TENM4: variants seen among roughly 807,000 people sequenced by gnomAD.
TENM4 encodes teneurin-4.
A neutral mutation model predicts 243.3 loss-of-function variants in TENM4; 82 were observed. That is an observed-to-expected ratio of 0.34 (90% CI 0.28 to 0.40). TENM4 has a LOEUF of 0.40. Among genes scored for constraint, TENM4 ranks in the 10% least tolerant of loss-of-function variants. The probability of loss-of-function intolerance (pLI) is 1.00; values close to 1 mark genes in which losing one functional copy is unlikely to be tolerated. For missense variants in TENM4, 3,138 were observed against 3,673.3 expected (o/e 0.85, Z 3.77); for synonymous variants, 1,412 against 1,456.3 (o/e 0.97, Z 0.69).
At chr11:79,085,342 A>T (rs1232180113) in intron 4 of TENM4, among the ~76,000 whole-genome samples, 3 of 147,784 alleles carry the variant, frequency 2.0e-5, no homozygotes, top group Admixed American at 6.8e-5. Flanking sequence ...GCGCCACTGC[A>T]CTCCAGCCTG....
intron 1 of TENM4, among the ~76,000 whole-genome samples, chr11:79,410,730 A>T (rs947852643): frequency 6.6e-6 from 1 of 152,164 alleles, no homozygotes; most frequent in Non-Finnish European, 1.5e-5. Flanking sequence ...TGCCTGCCTG[A>T]TGGGTTTACA....
At position 78,848,765 on chromosome 11, in the gene TENM4, T is replaced by A. The variant is rs190545673; in HGVS notation, c.1681+5339A>T. 9.9e-4 allele frequency among the ~76,000 whole-genome samples: 151 copies of A among 152,266 alleles called. 1 individual carries two copies. The highest frequency in any genetic ancestry group is 3.4e-3 in the Middle Eastern group (1 of 294). ...CTTTTGCCAGAAACCATGTCATACC[T>A]TCCCTGTATCCTCAGCTTGGGAAAG... is the stretch of plus-strand genomic sequence containing the variant. On this transcript the variant is annotated intron_variant, in intron 12 of 33. Transcript: ENST00000278550.
rs193249519 is a variant in TENM4, at chr11:79,381,552, C to A, written c.-321+58957G>T. Among the ~76,000 whole-genome samples the A allele has an allele frequency of 3.0e-3, 444 of 150,254 alleles. 3 individuals carry two copies. The highest frequency in any genetic ancestry group is 5.7e-3 in the Admixed American group (85 of 14,982). On this transcript the variant is annotated intron_variant, in intron 1 of 33. Transcript: ENST00000278550. ...CGAATTGAGTTCATTAAACTCTGGA[C>A]CGAATTTGGGGCCAGGTATTAGGGT...
intron 6 of TENM4, among the ~76,000 whole-genome samples, chr11:79,031,457 C>T (rs1272499100): frequency 6.6e-6 from 1 of 152,046 alleles, no homozygotes; most frequent in Non-Finnish European, 1.5e-5. Context: ...CTCATAGGCA[C>T]CAGGAAGCCA....
At chr11:79,070,584 A>G (rs1200613332) in intron 4 of TENM4, among the ~76,000 whole-genome samples, 2 of 152,184 alleles carry the variant, frequency 1.3e-5, no homozygotes, top group Admixed American at 1.3e-4. Flanking sequence ...CTTTTTGCCC[A>G]TCTCCTTCTG....
chr11:79,273,220 T>G (rs768846737), intron 2 of TENM4, among the ~76,000 whole-genome samples: 7 of 152,170 alleles, frequency 4.6e-5, no homozygotes, highest in Non-Finnish European at 7.3e-5. Context: ...AACAATAACC[T>G]CCAATGACAA....
At chr11:79,155,610 T>TTCCC (rs373224176) in intron 3 of TENM4, among the ~76,000 whole-genome samples, 3 of 147,852 alleles carry the variant, frequency 2.0e-5, no homozygotes, top group Non-Finnish European at 3.0e-5. Flanking sequence ...TGGTCCGCCT[T>TTCCC]TCCCTCCCTC....
At chr11:79,004,647 T>A (rs1006737486) in intron 6 of TENM4, among the ~76,000 whole-genome samples, 1 of 152,078 alleles carries the variant, frequency 6.6e-6, no homozygotes, top group African/African-American at 2.4e-5. Flanking sequence ...ATCAAAAAGT[T>A]AGAAAGATCT....
chr11:78,775,726 G>A (rs1000541976), intron 17 of TENM4, among the ~76,000 whole-genome samples: 4 of 152,170 alleles, frequency 2.6e-5, no homozygotes, highest in Non-Finnish European at 4.4e-5. Context: ...GACAGCCCAC[G>A]TGACATTAAT....
At chr11:79,153,662 G>A (rs921415771) in intron 3 of TENM4, among the ~76,000 whole-genome samples, 9 of 152,194 alleles carry the variant, frequency 5.9e-5, no homozygotes, top group Non-Finnish European at 8.8e-5. Flanking sequence ...AGAAGGGGAA[G>A]GGTAGTTTTC....
chr11:78,897,310 G>A (rs533222747), intron 7 of TENM4, among the ~76,000 whole-genome samples: 1 of 152,120 alleles, frequency 6.6e-6, no homozygotes, highest in South Asian at 2.1e-4. Flanking sequence ...TTTTCCCTTT[G>A]CTGATTCTGC....
At chr11:79,401,257 A>C (rs1314897545) in intron 1 of TENM4, among the ~76,000 whole-genome samples, 2 of 152,112 alleles carry the variant, frequency 1.3e-5, no homozygotes, top group Non-Finnish European at 2.9e-5. Context: ...TGTGCTAGGC[A>C]CTGGAAATGA....
intron 3 of TENM4, among the ~76,000 whole-genome samples, chr11:79,149,108 G>A (rs1368284458): frequency 1.3e-5 from 2 of 152,130 alleles, no homozygotes; most frequent in East Asian, 3.9e-4. Context: ...CTTTCATGCA[G>A]GGAGTTACTT....
chr11:79,315,060 C>G (rs1230854147), intron 1 of TENM4, among the ~76,000 whole-genome samples: 1 of 152,188 alleles, frequency 6.6e-6, no homozygotes, highest in Non-Finnish European at 1.5e-5. Flanking sequence ...GATGAAGGCA[C>G]AGATAACGCC....
chr11:78,999,723 A>G (rs1025906997), intron 6 of TENM4, among the ~76,000 whole-genome samples: 1 of 152,160 alleles, frequency 6.6e-6, no homozygotes, highest in Non-Finnish European at 1.5e-5. Context: ...TTAGGAAGGA[A>G]AGCAGTCAAT....
chr11:78,999,173 C>T (rs149677218), intron 6 of TENM4, among the ~76,000 whole-genome samples: 157 of 152,174 alleles, frequency 1.0e-3, no homozygotes, highest in Middle Eastern at 3.4e-3. Flanking sequence ...GGTCACACCG[C>T]GGGAGAGAAA....
chr11:79,286,786 T>C (rs1856262480), intron 2 of TENM4, among the ~76,000 whole-genome samples: 1 of 152,248 alleles, frequency 6.6e-6, no homozygotes, highest in South Asian at 2.1e-4. Context: ...TCTTTCATCT[T>C]CATTTATTTC....
At chr11:78,965,912 T>G (rs547663400) in intron 6 of TENM4, among the ~76,000 whole-genome samples, 63 of 152,330 alleles carry the variant, frequency 4.1e-4, no homozygotes, top group Non-Finnish European at 7.2e-4. Context: ...CAGAACTATT[T>G]CCTAAGATGT....
intron 4 of TENM4, among the ~76,000 whole-genome samples, chr11:79,071,879 A>G (rs1860422655): frequency 6.6e-6 from 1 of 152,200 alleles, no homozygotes; most frequent in South Asian, 2.1e-4. Flanking sequence ...ATAGACTGCA[A>G]TGCCTCGGGA....
Sources: gnomAD v4.1 joint callset for allele counts (sites outside exome capture counted in the v4.1 genomes callset) on GRCh38, gnomAD v4.1.1 for gene constraint, MANE v1.5 for transcripts, NCBI Gene and HGNC (gene_info 2026-07-23, HGNC 2026-07-21) for gene names.